SLIT2: variants seen among roughly 807,000 people sequenced by gnomAD.
SLIT2 encodes slit guidance ligand 2.
In SLIT2, 41 loss-of-function variants were observed where a neutral mutation model predicts 185.7. The ratio of observed to expected loss-of-function variants is 0.22; its 90% CI spans 0.17 to 0.29. SLIT2 has a LOEUF of 0.29. Among genes scored for constraint, SLIT2 ranks in the 10% least tolerant of loss-of-function variants. SLIT2 has a pLI of 1.00. For synonymous variants in SLIT2, 693 were observed against 680.2 expected (o/e 1.02, Z -0.29); for missense variants, 1,571 against 1,909.0 (o/e 0.82, Z 3.30).
intron 26 of SLIT2, among the ~76,000 whole-genome samples, chr4:20,555,978 TGTAA>T (rs1347456786): frequency 6.6e-6 from 1 of 152,138 alleles, no homozygotes; most frequent in Non-Finnish European, 1.5e-5. Flanking sequence ...ACCAAAAGGC[TGTAA>T]GTTTTTACAT....
chr4:20,356,441 T>C (rs1197691042), intron 4 of SLIT2, among the ~76,000 whole-genome samples: 1 of 152,136 alleles, frequency 6.6e-6, no homozygotes, highest in Non-Finnish European at 1.5e-5. Context: ...TAGATATTGA[T>C]GCATAGTAAA....
intron 4 of SLIT2, among the ~76,000 whole-genome samples, chr4:20,277,497 T>C (rs959602743): frequency 6.6e-6 from 1 of 151,798 alleles, no homozygotes; most frequent in Non-Finnish European, 1.5e-5. Context: ...ATTTACATTA[T>C]ACATTTTCTA....
chr4:20,465,355 T>A (rs1714219391), intron 4 of SLIT2, among the ~76,000 whole-genome samples: 1 of 152,024 alleles, frequency 6.6e-6, no homozygotes, highest in Admixed American at 6.6e-5. Context: ...GAAATAAGAG[T>A]TTAAGTAAGG....
chr4:20,520,110 A>G (rs1172196763), intron 12 of SLIT2, among the ~76,000 whole-genome samples: 1 of 151,636 alleles, frequency 6.6e-6, no homozygotes, highest in African/African-American at 2.4e-5. Flanking sequence ...CAGGAGCGAC[A>G]GTGCTGCAAT....
intron 4 of SLIT2, among the ~76,000 whole-genome samples, chr4:20,290,826 T>C (rs1577376680): frequency 6.6e-6 from 1 of 152,126 alleles, no homozygotes; most frequent in Non-Finnish European, 1.5e-5. Flanking sequence ...ATATCTTATT[T>C]TTTTCTGTAT....
chr4:20,584,768 A>C (rs1399650728), intron 29 of SLIT2, among the ~76,000 whole-genome samples: 1 of 152,174 alleles, frequency 6.6e-6, no homozygotes, highest in Non-Finnish European at 1.5e-5. Context: ...GGAAGAGGTG[A>C]TCTAAGAAAC....
rs532670291 is a variant in SLIT2, at chr4:20,415,178, G to A, written c.396-52574G>A. Among the ~76,000 whole-genome samples, 427 of 152,240 alleles carry A rather than the reference G, an allele frequency of 2.8e-3. 2 individuals carry two copies. The highest frequency in any genetic ancestry group is 4.1e-3 in the Non-Finnish European group (278 of 68,006). The stretch of plus-strand genomic sequence containing the variant: ...TGTAATCCCAGCACTTTGGGAGGCC[G>A]AGGCGGGCGGATCACGAGGTCAGGA... On this transcript the variant is annotated intron_variant, in intron 4 of 36. Transcript: ENST00000504154.
chr4:20,337,387 G>A (rs1199145173), intron 4 of SLIT2, among the ~76,000 whole-genome samples: 2 of 152,136 alleles, frequency 1.3e-5, no homozygotes, highest in East Asian at 3.9e-4. Flanking sequence ...GGAAGGACCT[G>A]CCCCCGTGAT....
chr4:20,258,924 G>A (rs1280313471), intron 3 of SLIT2, among the ~76,000 whole-genome samples: 1 of 151,636 alleles, frequency 6.6e-6, no homozygotes, highest in African/African-American at 2.4e-5. Flanking sequence ...GGTTCACTGG[G>A]CAAAAGGGCA....
chr4:20,555,381 T>A (rs1439048815), intron 26 of SLIT2, among the ~76,000 whole-genome samples: 1 of 152,120 alleles, frequency 6.6e-6, no homozygotes, highest in Non-Finnish European at 1.5e-5. Context: ...AATTCCAGCT[T>A]CACTTTTTGG....
At position 20,479,145 on chromosome 4, in the gene SLIT2, T is replaced by C. The variant is rs115242323; in HGVS notation, c.468-1571T>C. 7.2e-3 allele frequency among the ~76,000 whole-genome samples: 1,095 copies of C among 152,306 alleles called. 15 individuals are homozygous for C. Among genetic ancestry groups the C allele is most frequent in the African/African-American group, 0.025 (1,047 of 41,566 alleles). Reference sequence around the variant, plus strand: ...TTTGTTAATAGTGCACGTCCTAAATTGTACCATTTGCATGACATCAAGGTA... The same window carrying C: ...TTTGTTAATAGTGCACGTCCTAAATCGTACCATTTGCATGACATCAAGGTA... On this transcript the variant is annotated intron_variant, in intron 5 of 36. Coordinates refer to ENST00000504154, the MANE Select transcript of SLIT2 (RefSeq NM_004787.4).
intron 4 of SLIT2, among the ~76,000 whole-genome samples, chr4:20,443,582 TAAAAAAA>T (rs71653885): frequency 1.6e-5 from 1 of 63,060 alleles, no homozygotes; most frequent in Admixed American, 2.3e-4. Context: ...GGAGAAAATC[TAAAAAAA>T]AAAAAAAAAA....
intron 8 of SLIT2, among the ~76,000 whole-genome samples, chr4:20,490,396 C>A (rs576310058): frequency 7.2e-6 from 1 of 139,418 alleles, no homozygotes; most frequent in Non-Finnish European, 1.5e-5. Context: ...CATGCACACA[C>A]ACACCCCCAT....
At chr4:20,378,672 T>C (rs909005872) in intron 4 of SLIT2, among the ~76,000 whole-genome samples, 3 of 152,164 alleles carry the variant, frequency 2.0e-5, no homozygotes, top group Non-Finnish European at 4.4e-5. Flanking sequence ...TCTAAATATG[T>C]GATAACGACC....
At chr4:20,286,392 G>T (rs1253286194) in intron 4 of SLIT2, among the ~76,000 whole-genome samples, 6 of 151,966 alleles carry the variant, frequency 3.9e-5, no homozygotes, top group East Asian at 1.9e-4. Flanking sequence ...CTCCACAGTT[G>T]GTTCATCCGT....
Position 20,576,683 on chromosome 4 carries a change from T to C in SLIT2, c.3088+7679T>C, listed in dbSNP as rs75893469. On this transcript the variant is annotated intron_variant, in intron 29 of 36. Coordinates refer to ENST00000504154, the MANE Select transcript of SLIT2 (RefSeq NM_004787.4). The stretch of plus-strand genomic sequence containing the variant: ...CAGCCTAATGATACTATGTGGTTTG[T>C]ATTCATCCTCCAACCTTTCAAAACT... Among the ~76,000 whole-genome samples the C allele has an allele frequency of 9.0e-3, 1,369 of 152,304 alleles. 19 individuals are homozygous for C. The highest frequency in any genetic ancestry group is 0.031 in the African/African-American group (1,291 of 41,566).
intron 18 of SLIT2, among the ~76,000 whole-genome samples, chr4:20,534,635 G>C (rs1722108999): frequency 6.6e-6 from 1 of 152,136 alleles, no homozygotes; most frequent in Non-Finnish European, 1.5e-5. Flanking sequence ...TTGTAACCAA[G>C]AAGCAGTCCT....
At chr4:20,615,285 C>T (rs574908063) in intron 34 of SLIT2, 7 of 152,140 alleles carry the variant, frequency 4.6e-5, no homozygotes, top group African/African-American at 1.4e-4. Context: ...CAACCCACAG[C>T]GAGATGGACA....
chr4:20,579,224 A>G lies in SLIT2; in HGVS notation c.3088+10220A>G, dbSNP rs188697142. On this transcript the variant is annotated intron_variant, in intron 29 of 36. Transcript: ENST00000504154. ...CTGAGGCAGGAGATTACTCAAACCC[A>G]GGAGGCGGAGGTTACACTGAGCTGA... Among the ~76,000 whole-genome samples, 594 of 151,786 alleles carry G rather than the reference A, an allele frequency of 3.9e-3. 4 individuals carry two copies. Among genetic ancestry groups the G allele is most frequent in the African/African-American group, 0.014 (575 of 41,400 alleles).
Sources: allele counts gnomAD v4.1 joint callset (sites outside exome capture counted in the v4.1 genomes callset), GRCh38; gene constraint gnomAD v4.1.1; transcripts MANE v1.5; gene names NCBI Gene and HGNC (gene_info 2026-07-23, HGNC 2026-07-21).